The following PACS2 variants were observed in gnomAD, a reference collection of about 807,000 sequenced individuals.
The protein encoded by PACS2 is PACS1-like protein.
Under a neutral mutation model 113.0 loss-of-function variants are expected in PACS2, and 36 were observed. That is an observed-to-expected ratio of 0.32 (90% CI 0.24 to 0.42). PACS2 has a LOEUF of 0.42. PACS2 is among the 10% of genes least tolerant of loss of function. The pLI, the probability that PACS2 is intolerant of heterozygous loss-of-function variation, is 1.00. For synonymous variants in PACS2, 589 were observed against 536.1 expected (o/e 1.10, Z -1.36); for missense variants, 1,015 against 1,239.5 (o/e 0.82, Z 2.72).
chr14:105,324,308 C>T lies in PACS2; in HGVS notation c.119+9271C>T, dbSNP rs1038516132. Among the ~76,000 whole-genome samples the T allele has an allele frequency of 3.3e-5, 5 of 152,082 alleles. No individual in the cohort carries two copies. The highest frequency in any genetic ancestry group is 7.2e-5 in the African/African-American group (3 of 41,420). On this transcript the variant is annotated intron_variant, in intron 1 of 24. Coordinates refer to ENST00000447393, the MANE Select transcript of PACS2 (RefSeq NM_001100913.3). This position sits in a 1 kb window ranked among gnomAD's most constrained non-coding sequence, Gnocchi z 4.7. ...TGTGTGTGGTGGTGGCAGGCAGTGG[C>T]GTTGCCGAGACAGGGTGCTCAGGTG...
At chr14:105,389,819 C>T in intron 19 of PACS2, 142 bp from the exon 20 acceptor site, 1 of 760,210 alleles carries the variant, frequency 1.3e-6, no homozygotes, top group East Asian at 2.5e-5. Context: ...CCGGGACACA[C>T]AGGGCAGGGC....
intron 1 of PACS2, among the ~76,000 whole-genome samples, chr14:105,331,260 T>C (rs1198189411): frequency 6.6e-6 from 1 of 152,204 alleles, no homozygotes; most frequent in Admixed American, 6.5e-5. Flanking sequence ...CAGCCTGGGT[T>C]GGCTTTTAAC....
At chr14:105,332,069 G>A (rs943031823) in intron 1 of PACS2, among the ~76,000 whole-genome samples, 5 of 152,170 alleles carry the variant, frequency 3.3e-5, no homozygotes, top group African/African-American at 4.8e-5. Flanking sequence ...GATTTGGTGC[G>A]GATTTGTTAT....
intron 1 of PACS2, among the ~76,000 whole-genome samples, chr14:105,344,261 GT>G (rs1436989421): frequency 3.4e-5 from 5 of 148,966 alleles, no homozygotes; most frequent in African/African-American, 1.2e-4. Context: ...GTTTTTTTTT[GT>G]TTTGTTTTGT....
chr14:105,392,011 C>T, intron 22 of PACS2: 1 of 541,754 alleles, frequency 1.8e-6, no homozygotes, highest in Non-Finnish European at 3.2e-6. Flanking sequence ...GGGCGTTGTG[C>T]TGGGCTGTCT....
intron 1 of PACS2, among the ~76,000 whole-genome samples, chr14:105,327,303 G>A (rs1297992707): frequency 6.6e-6 from 1 of 152,202 alleles, no homozygotes; most frequent in Non-Finnish European, 1.5e-5. Flanking sequence ...TAGCCTGAGG[G>A]GATGTGCGCG....
chr14:105,351,975 C>T (rs2060197174), intron 2 of PACS2, among the ~76,000 whole-genome samples: 1 of 152,256 alleles, frequency 6.6e-6, no homozygotes, highest in Non-Finnish European at 1.5e-5. Flanking sequence ...CTGAGCAACA[C>T]AGCGAGACCT....
chr14:105,382,451 G>A, intron 13 of PACS2, 26 bp from the exon 14 acceptor site: 2 of 1,342,380 alleles, frequency 1.5e-6, no homozygotes, highest in Non-Finnish European at 2.1e-6. Flanking sequence ...TCTCTTCTGG[G>A]TGTGGACAGG....
intron 8 of PACS2, chr14:105,372,255 C>T (rs1181201211): frequency 6.6e-6 from 1 of 152,230 alleles, no homozygotes; most frequent in Admixed American, 6.5e-5. Flanking sequence ...ACAGCGAAAG[C>T]GTCCGCTGAG....
At chr14:105,389,730 A>G in intron 19 of PACS2, 2 of 584,742 alleles carry the variant, frequency 3.4e-6, no homozygotes, top group Non-Finnish European at 6.2e-6. Flanking sequence ...TCCTTCCAGC[A>G]TGTCAGCATG....
At chr14:105,337,963 T>G (rs1333392080) in intron 1 of PACS2, among the ~76,000 whole-genome samples, 1 of 152,332 alleles carries the variant, frequency 6.6e-6, no homozygotes, top group East Asian at 1.9e-4. Context: ...GTTTGCATCA[T>G]GCACAGGAGT....
chr14:105,393,015 C>T (rs1258174445), intron 23 of PACS2, among the ~76,000 whole-genome samples, 170 bp downstream of exon 23: 1 of 152,184 alleles, frequency 6.6e-6, no homozygotes, highest in Non-Finnish European at 1.5e-5. Context: ...CAGTGAGGGT[C>T]AGGTGCTTCT....
Position 105,354,471 on chromosome 14 carries a change from G to T in PACS2, c.298-581G>T, listed in dbSNP as rs587643999. On this transcript the variant is annotated intron_variant, in intron 3 of 24. Coordinates refer to ENST00000447393, the MANE Select transcript of PACS2 (RefSeq NM_001100913.3). This position sits in a 1 kb window ranked among gnomAD's most constrained non-coding sequence, Gnocchi z 4.2. The stretch of plus-strand genomic sequence containing the variant: ...TGTCAGCACCACCGCAGTTAGGGTG[G>T]TGAACAGCCCCATTTTCCCCTAAGT... Among the ~76,000 whole-genome samples the T allele has an allele frequency of 2.4e-4, 37 of 152,272 alleles. No homozygotes were observed. In the South Asian group the frequency reaches 2.5e-3, roughly 10 times the overall value.
chr14:105,376,632 A>G lies in PACS2; in HGVS notation c.802-136A>G. ...AGCTCCAAGACAGAAGCTGGACTAC[A>G]GCCGTGCTGAGTGGAGGGGTTTGGT... On this transcript the variant is annotated intron_variant, in intron 8 of 24. Transcript: ENST00000447393. This position sits in a 1 kb window ranked among gnomAD's most constrained non-coding sequence, Gnocchi z 4.7. 1.4e-6 allele frequency: 1 copy of G among 710,600 alleles called. No individual in the cohort carries two copies. The highest frequency in any genetic ancestry group is 2.3e-6 in the Non-Finnish European group (1 of 433,358). 44.0% of individuals were successfully genotyped at this position (710,600 alleles called of 1,614,324 possible).
At chr14:105,361,444 C>T (rs1314659800) in intron 4 of PACS2, among the ~76,000 whole-genome samples, 3 of 152,228 alleles carry the variant, frequency 2.0e-5, no homozygotes, top group African/African-American at 7.2e-5. Flanking sequence ...TGAGACCAGC[C>T]TGGCCAACAT....
chr14:105,337,184 C>T (rs994835305), intron 1 of PACS2, among the ~76,000 whole-genome samples: 1 of 152,216 alleles, frequency 6.6e-6, no homozygotes, highest in Non-Finnish European at 1.5e-5. Flanking sequence ...CACAGGAGGA[C>T]ATGCACTGTA....
intron 19 of PACS2, among the ~76,000 whole-genome samples, chr14:105,386,011 C>T (rs782762686): frequency 7.9e-5 from 12 of 152,224 alleles, no homozygotes; most frequent in Non-Finnish European, 1.2e-4. Context: ...TGGGACTCCA[C>T]CCCAGAGCCC....
intron 20 of PACS2, 155 bp downstream of exon 20, chr14:105,390,158 C>T (rs587711928): frequency 1.9e-5 from 14 of 746,522 alleles, no homozygotes; most frequent in Middle Eastern, 2.4e-4. Flanking sequence ...TCTCAAAGCT[C>T]GCTTCCTTCC....
intron 1 of PACS2, among the ~76,000 whole-genome samples, chr14:105,338,492 ACCCTGCC>A (rs2059609810): frequency 6.6e-6 from 1 of 151,716 alleles, no homozygotes; most frequent in Non-Finnish European, 1.5e-5. Flanking sequence ...TGACCTATTG[ACCCTGCC>A]ACAGCTCGCT....
Sources: gnomAD v4.1 joint callset for allele counts (sites outside exome capture counted in the v4.1 genomes callset) on GRCh38, gnomAD v4.1.1 for gene constraint, Gnocchi (gnomAD v3.1) non-coding constraint, MANE v1.5 for transcripts, NCBI Gene and HGNC (gene_info 2026-07-23, HGNC 2026-07-21) for gene names.